KLF8: variants seen among roughly 807,000 people sequenced by gnomAD.
KLF8 encodes the protein KLF transcription factor 8, also known as Krueppel-like factor 8.
In KLF8, 10 loss-of-function variants were observed where a neutral mutation model predicts 18.2. The ratio of observed to expected loss-of-function variants is 0.55; its 90% confidence interval spans 0.34 to 0.93. KLF8 has a LOEUF of 0.93. Among genes scored for constraint, KLF8 ranks in the 40% least tolerant of loss-of-function variants. The pLI is 0.02. For missense variants in KLF8, 264 were observed against 277.9 expected (o/e 0.95, Z 0.36); for synonymous variants, 109 against 97.3 (o/e 1.12, Z -0.71).
the KLF8 span, among the ~76,000 whole-genome samples, chrX:56,143,167 C>T: frequency 2.7e-5 from 3 of 111,351 alleles, no homozygotes; most frequent in South Asian, 1.1e-3. Flanking sequence ...CACTGGTCCC[C>T]TCACTGTTCC....
At chrX:56,107,264 G>A in the KLF8 span, among the ~76,000 whole-genome samples, 1 of 112,287 alleles carries the variant, frequency 8.9e-6, no homozygotes, top group African/African-American at 3.2e-5. Flanking sequence ...CTGTCAGACA[G>A]GGACATTTAA....
chrX:56,031,488 C>T, the KLF8 span, among the ~76,000 whole-genome samples: 1 of 112,104 alleles, frequency 8.9e-6, no homozygotes, highest in Non-Finnish European at 1.9e-5. Flanking sequence ...GTGCCATTTC[C>T]TTCCCTGTGT....
chrX:56,265,964 A>G, intron 3 of KLF8: 4 of 941,541 alleles, frequency 4.2e-6, no homozygotes, highest in Non-Finnish European at 5.3e-6. Context: ...ATGCATATCT[A>G]TCAGTGACAT....
chrX:56,284,600 A>G lies in KLF8; in HGVS notation c.*106A>G. 1 of 653,865 alleles carries G rather than the reference A, an allele frequency of 1.5e-6. No individual in the cohort carries two copies. Among genetic ancestry groups the G allele is most frequent in the Non-Finnish European group, 2.2e-6 (1 of 460,446 alleles). 53.9% of individuals were successfully genotyped at this position (653,865 alleles called of 1,213,427 possible). On this transcript the variant is annotated 3_prime_UTR_variant, in exon 6 of 6. Coordinates refer to ENST00000468660, the MANE Select transcript of KLF8 (RefSeq NM_007250.5). ...GACTTCAGCTTGCATATGGGGTTGAAGCAGCCCACTGAGCCAAGTTGAGGA... is the reference window on the plus strand; with the variant it reads ...GACTTCAGCTTGCATATGGGGTTGAGGCAGCCCACTGAGCCAAGTTGAGGA...
the KLF8 span, among the ~76,000 whole-genome samples, chrX:56,188,327 C>T: frequency 0.012 from 1,340 of 111,170 alleles, 17 homozygotes; most frequent in African/African-American, 0.042. Flanking sequence ...TGTGAAGGAC[C>T]TCTTCAAGGA....
At chrX:56,219,839 C>T in the KLF8 span, among the ~76,000 whole-genome samples, 1 of 111,616 alleles carries the variant, frequency 9.0e-6, no homozygotes, top group Admixed American at 9.5e-5. Context: ...GCAACACAGC[C>T]AGACTGTCTC....
At chrX:55,925,734 G>T in the KLF8 span, among the ~76,000 whole-genome samples, 2 of 111,884 alleles carry the variant, frequency 1.8e-5, no homozygotes, top group South Asian at 7.6e-4. Flanking sequence ...CTACATTTTT[G>T]AAGATGAAAT....
At chrX:55,915,256 A>G in the KLF8 span, among the ~76,000 whole-genome samples, 3 of 112,032 alleles carry the variant, frequency 2.7e-5, no homozygotes, top group Admixed American at 2.9e-4. Context: ...ACCTCTGACA[A>G]TAGCTGTAAA....
At chrX:55,979,798 G>T in the KLF8 span, among the ~76,000 whole-genome samples, 2 of 111,744 alleles carry the variant, frequency 1.8e-5, no homozygotes, top group Middle Eastern at 4.6e-3. Context: ...TGATTCAACA[G>T]GATTTGATGA....
rs1483291769 is a variant in KLF8, at chrX:56,289,060, C to G, written c.*4566C>G. On this transcript the variant is annotated 3_prime_UTR_variant, in exon 6 of 6. Coordinates refer to ENST00000468660, the MANE Select transcript of KLF8 (RefSeq NM_007250.5). The stretch of plus-strand genomic sequence containing the variant: ...TACATAAATTATTTGGAATTATTCT[C>G]TAAGGGAGATTGTCTCTTCTCCCCC... Among the ~76,000 whole-genome samples, 1 of 112,374 alleles carries G rather than the reference C, an allele frequency of 8.9e-6. No individual in the cohort carries two copies. Among genetic ancestry groups the G allele is most frequent in the Non-Finnish European group, 1.9e-5 (1 of 53,317 alleles).
chrX:55,935,718 A>G, the KLF8 span, among the ~76,000 whole-genome samples: 1 of 112,350 alleles, frequency 8.9e-6, no homozygotes, highest in Non-Finnish European at 1.9e-5. Context: ...CTTTTATAAG[A>G]CTTAAAAATA....
chrX:56,269,703 TAACTGTAGATCATCAA>T (rs1170129601), intron 4 of KLF8, among the ~76,000 whole-genome samples: 2 of 112,617 alleles, frequency 1.8e-5, no homozygotes, highest in African/African-American at 6.5e-5. Context: ...AGCTATGTTC[TAACTGTAGATCATCAA>T]TTTTTCTTTT....
intron 5 of KLF8, 66 bp downstream of exon 5, chrX:56,270,387 AGAGAGAGAGAGAGGGG>A: frequency 1.3e-6 from 1 of 746,931 alleles, no homozygotes. Flanking sequence ...CACACGAGAG[AGAGAGAGAGAGAGGGG>A]CAGAGAGAGA....
the KLF8 span, among the ~76,000 whole-genome samples, chrX:56,176,571 A>G: frequency 1.8e-5 from 2 of 110,389 alleles, no homozygotes; most frequent in Non-Finnish European, 3.8e-5. Flanking sequence ...GAATCTGACA[A>G]TTATGTGTTT....
At chrX:55,917,922 G>T in the KLF8 span, among the ~76,000 whole-genome samples, 4 of 111,877 alleles carry the variant, frequency 3.6e-5, no homozygotes, top group Non-Finnish European at 5.6e-5. Context: ...TTTGTCGTCT[G>T]GGATCTCAAC....
chrX:56,162,781 C>T, the KLF8 span, among the ~76,000 whole-genome samples: 3 of 111,075 alleles, frequency 2.7e-5, no homozygotes, highest in African/African-American at 9.8e-5. Flanking sequence ...CTGTCCTGCT[C>T]CCACTTTCTG....
the KLF8 span, among the ~76,000 whole-genome samples, chrX:56,208,738 A>AT: frequency 2.7e-5 from 3 of 111,588 alleles, no homozygotes; most frequent in East Asian, 2.8e-4. Flanking sequence ...TGAAGAGCAT[A>AT]TTTTTTAATT....
chrX:55,918,216 G>A, the KLF8 span, among the ~76,000 whole-genome samples: 6 of 111,937 alleles, frequency 5.4e-5, no homozygotes, highest in African/African-American at 1.9e-4. Context: ...ATTGTCCCCA[G>A]TGCCTAGAAC....
At chrX:56,277,889 C>T (rs927837004) in intron 5 of KLF8, among the ~76,000 whole-genome samples, 3 of 112,522 alleles carry the variant, frequency 2.7e-5, no homozygotes, top group Non-Finnish European at 5.6e-5. Context: ...CTAGTCTTCC[C>T]TTCACTTTCC....
Sources: gnomAD v4.1 joint callset for allele counts (sites outside exome capture counted in the v4.1 genomes callset) on GRCh38, gnomAD v4.1.1 for gene constraint, MANE v1.5 for transcripts, NCBI Gene and HGNC (gene_info 2026-07-23, HGNC 2026-07-21) for gene names.